The following NWD1 variants were observed in gnomAD, a reference collection of about 807,000 sequenced individuals.
The protein encoded by NWD1 is NACHT and WD repeat domain containing 1.
NWD1 carries 129 observed loss-of-function variants against 135.1 expected under a neutral mutation model. The ratio of observed to expected loss-of-function variants is 0.96; its 90% CI spans 0.83 to 1.11. NWD1 has a LOEUF of 1.11. NWD1 is among the 50% of genes least tolerant of loss of function. The probability of loss-of-function intolerance (pLI) is 0.00; values close to 1 mark genes in which losing one functional copy is unlikely to be tolerated. For missense variants in NWD1, 1,740 were observed against 1,851.3 expected, an observed-to-expected ratio of 0.94 and a Z score of 1.10; for synonymous variants, 773 against 786.0, an observed-to-expected ratio of 0.98 and a Z score of 0.28.
intron 7 of NWD1, among the ~76,000 whole-genome samples, chr19:16,761,323 T>C (rs972085394): frequency 6.6e-6 from 1 of 152,160 alleles, no homozygotes; most frequent in Non-Finnish European, 1.5e-5. Context: ...GTGTAAGGTT[T>C]TGTTTGAACA....
intron 2 of NWD1, among the ~76,000 whole-genome samples, chr19:16,724,979 C>A (rs1967269280): frequency 6.6e-6 from 1 of 151,556 alleles, no homozygotes. Context: ...CAGGCGTGAG[C>A]CACTATGCCT....
In NWD1 at chr19:16,738,741, A is replaced by C. The variant is rs375374646; in HGVS notation, c.198+1991A>C. On this transcript the variant is annotated intron_variant, in intron 4 of 18. Transcript: ENST00000524140. The stretch of plus-strand genomic sequence containing the variant: ...CATATATATATAATCTATATATAAT[A>C]TATATATTATATATATATAATATAA... Among the ~76,000 whole-genome samples, 209 of 141,042 alleles carry C rather than the reference A, an allele frequency of 1.5e-3. 1 individual carries two copies. In the East Asian group the frequency reaches 0.026, roughly 18 times the overall value. 92.5% of individuals were successfully genotyped at this position (141,042 alleles called of 152,430 possible).
chr19:16,766,519 C>G (rs1487985166), intron 10 of NWD1, among the ~76,000 whole-genome samples: 1 of 152,136 alleles, frequency 6.6e-6, no homozygotes, highest in Non-Finnish European at 1.5e-5. Flanking sequence ...CTCTCCAAGT[C>G]TTTAGACGCT....
intron 3 of NWD1, among the ~76,000 whole-genome samples, chr19:16,735,827 AAAGAAGGAAG>A (rs1967778066): frequency 1.7e-5 from 1 of 58,092 alleles, no homozygotes; most frequent in Admixed American, 1.3e-4. Flanking sequence ...GGAAGGAAGG[AAAGAAGGAAG>A]GAAGGAAGGA....
chr19:16,756,353 G>A (rs1791382808), intron 6 of NWD1, among the ~76,000 whole-genome samples: 1 of 152,140 alleles, frequency 6.6e-6, no homozygotes, highest in Non-Finnish European at 1.5e-5. Context: ...ACATTGAGTA[G>A]GCAGAGGAAG....
intron 12 of NWD1, 139 bp from the exon 13 acceptor site, chr19:16,788,843 T>A: frequency 1.4e-6 from 1 of 692,486 alleles, no homozygotes; most frequent in East Asian, 2.5e-5. Flanking sequence ...CCATTTTTAT[T>A]CTGATGACTT....
intron 2 of NWD1, among the ~76,000 whole-genome samples, chr19:16,729,381 C>G (rs370743416): frequency 6.6e-6 from 1 of 151,964 alleles, no homozygotes; most frequent in Admixed American, 6.6e-5. Context: ...CATATCAGGA[C>G]TATCACTCTC....
intron 2 of NWD1, 21 bp from the exon 3 acceptor site, chr19:16,731,171 C>T: frequency 7.4e-7 from 1 of 1,356,656 alleles, no homozygotes; most frequent in Non-Finnish European, 1.0e-6. Flanking sequence ...CCACTAATAC[C>T]CTCCATGCCC....
rs1968220799 is a variant in NWD1, at chr19:16,744,532, G to A, written c.310G>A (p.Val104Met). ...LTARPSDLEL[V>M]ARYFQRDENA... ...TGCCAGGCCAAGTGACCTGGAGCTG[G>A]TGGCACGATACTTCCAGAGGGACGA... Residue 104 changes from valine to methionine, a missense_variant, in exon 5 of 19, where the codon GTG becomes ATG. Transcript: ENST00000524140. 2 of 1,536,080 alleles carry A rather than the reference G, an allele frequency of 1.3e-6. No individual in the cohort carries two copies. The highest frequency in any genetic ancestry group is 1.7e-6 in the Non-Finnish European group (2 of 1,146,900).
chr19:16,761,913 G>A lies in NWD1; in HGVS notation c.1974-66G>A, dbSNP rs1969027718. ...GGGATTTGGGAACTGCCTCCAGGAA[G>A]ACAAGCAGCCACCTTTGAGCTTGAT... On this transcript the variant is annotated intron_variant, in intron 7 of 18. Coordinates refer to ENST00000524140, the MANE Select transcript of NWD1 (RefSeq NM_001007525.5). 6 of 1,415,748 alleles carry A rather than the reference G, an allele frequency of 4.2e-6. No homozygotes were observed. The African/African-American group carries it at 5.7e-5, about 13-fold the overall frequency. The allele number at this position is 1,415,748 out of a possible 1,614,324, so 87.7% of individuals were successfully genotyped here.
intron 13 of NWD1, among the ~76,000 whole-genome samples, chr19:16,789,984 C>T (rs1438439036): frequency 6.6e-6 from 1 of 152,174 alleles, no homozygotes; most frequent in African/African-American, 2.4e-5. Context: ...TCCCAAAGTG[C>T]TGGGATTACA....
At position 16,762,062 on chromosome 19, in the gene NWD1, C is replaced by T; in HGVS notation, c.2057C>T (p.Ser686Leu). 1 of 1,614,128 alleles carries T rather than the reference C, an allele frequency of 6.2e-7. No homozygotes were observed. Among genetic ancestry groups the T allele is most frequent in the Non-Finnish European group, 8.5e-7 (1 of 1,180,010 alleles). Residue 686 changes from serine (S) to leucine (L), a missense_variant, in exon 8 of 19, where the codon TCA (serine) becomes TTA (leucine). Transcript: ENST00000524140. ...CATGGCGTCCTGGCCGACTTCTTCT[C>T]AGGGACCTGGAGCCAGGGTACCAAG... ...KRHGVLADFF[S>L]GTWSQGTKKL...
chr19:16,727,686 G>A (rs946575277), intron 2 of NWD1: 5 of 153,410 alleles, frequency 3.3e-5, no homozygotes, highest in African/African-American at 1.2e-4. Flanking sequence ...AAGGTGCAGG[G>A]TATGGATGGG....
At chr19:16,792,212 T>C (rs966403762) in intron 14 of NWD1, among the ~76,000 whole-genome samples, 2 of 152,002 alleles carry the variant, frequency 1.3e-5, no homozygotes, top group Admixed American at 6.6e-5. Context: ...ACCTGCCCTG[T>C]TGGTGGTTGG....
At chr19:16,771,831 CT>C (rs529711853) in intron 10 of NWD1, among the ~76,000 whole-genome samples, 2,069 of 133,400 alleles carry the variant, frequency 0.016, 23 homozygotes, top group African/African-American at 0.045. Context: ...ATCACGAGTC[CT>C]TTTTTTTTTT....
At chr19:16,772,221 G>A (rs189682365) in intron 10 of NWD1, among the ~76,000 whole-genome samples, 1 of 152,176 alleles carries the variant, frequency 6.6e-6, no homozygotes, top group Non-Finnish European at 1.5e-5. Flanking sequence ...AAAAACTAAC[G>A]AGGCGTGGTG....
chr19:16,803,640 G>T (rs1471392288), intron 17 of NWD1, among the ~76,000 whole-genome samples: 1 of 151,988 alleles, frequency 6.6e-6, no homozygotes, highest in African/African-American at 2.4e-5. Context: ...GTCATGGCCA[G>T]GTGTGGTGGC....
At chr19:16,806,780 C>T (rs1049913426) in intron 17 of NWD1, among the ~76,000 whole-genome samples, 12 of 151,794 alleles carry the variant, frequency 7.9e-5, no homozygotes, top group African/African-American at 1.9e-4. Flanking sequence ...TTTGGGAGGC[C>T]GAGGCGGGCG....
chr19:16,747,103 C>T (rs1317030560), intron 5 of NWD1, among the ~76,000 whole-genome samples: 3 of 146,102 alleles, frequency 2.1e-5, no homozygotes, highest in Non-Finnish European at 3.0e-5. Flanking sequence ...GTGGTGCGAT[C>T]TCAGCTCACT....
Sources: gnomAD v4.1 joint callset for allele counts (sites outside exome capture counted in the v4.1 genomes callset) on GRCh38, gnomAD v4.1.1 for gene constraint, MANE v1.5 for transcripts, NCBI Gene and HGNC (gene_info 2026-07-23, HGNC 2026-07-21) for gene names.